Variants in PLA1A observed in about 807,000 individuals in gnomAD.
The protein encoded by PLA1A is phospholipase A1 member A, also known as phosphatidylserine-specific phospholipase A1alpha.
PLA1A carries 47 observed loss-of-function variants against 49.4 expected under a neutral mutation model. The ratio of observed to expected loss-of-function variants is 0.95; its 90% CI spans 0.75 to 1.21. The LOEUF (loss-of-function observed/expected upper bound fraction) is 1.21, where lower values mean the gene tolerates loss of function less well. Ranked by LOEUF, PLA1A falls within the 50% of genes most tolerant of loss-of-function variation. PLA1A has a pLI of 0.00. For synonymous variants in PLA1A, 224 were observed against 207.9 expected (o/e 1.08, Z -0.67); for missense variants, 561 against 563.9 (o/e 0.99, Z 0.05).
chr3:119,613,074 C>A lies in PLA1A; in HGVS notation c.620C>A (p.Ala207Asp). ...GCCAGTGTGGAAGAGCGCTTGGATG[C>A]TGGAGATGCCCTCTTCGTGGAAGCC... ...TRASVEERLDAGDALFVEAIH... is the reference protein window; with the variant it reads ...TRASVEERLDDGDALFVEAIH... The change falls in exon 5 of 11, where the codon GCT becomes GAT. Residue 207 changes from alanine to aspartate, a missense_variant. Transcript: ENST00000273371. The A allele has an allele frequency of 6.2e-7, 1 of 1,609,274 alleles. No individual in the cohort carries two copies. Among genetic ancestry groups the A allele is most frequent in the Non-Finnish European group, 8.5e-7 (1 of 1,177,678 alleles).
At chr3:119,621,191 G>T (rs2082924443) in intron 8 of PLA1A, among the ~76,000 whole-genome samples, 1 of 152,188 alleles carries the variant, frequency 6.6e-6, no homozygotes, top group African/African-American at 2.4e-5. Context: ...AATATACCCA[G>T]CAGGAAAGTG....
chr3:119,628,078 G>A (rs532841352), intron 9 of PLA1A, among the ~76,000 whole-genome samples: 31 of 152,334 alleles, frequency 2.0e-4, no homozygotes, highest in African/African-American at 6.7e-4. Context: ...CTCCTCAGCT[G>A]AAGTCAGTAT....
At chr3:119,605,259 C>A (rs773884661) in intron 1 of PLA1A, among the ~76,000 whole-genome samples, 2 of 152,220 alleles carry the variant, frequency 1.3e-5, no homozygotes, top group Non-Finnish European at 2.9e-5. Context: ...TCCAAACCTG[C>A]CTGCTTGGTC....
At chr3:119,606,320 G>A (rs1298841227) in intron 1 of PLA1A, among the ~76,000 whole-genome samples, 1 of 152,138 alleles carries the variant, frequency 6.6e-6, no homozygotes, top group Non-Finnish European at 1.5e-5. Context: ...TCCTCCCTCT[G>A]TCTGTGTCCA....
chr3:119,622,898 C>T (rs1488611672), intron 8 of PLA1A, among the ~76,000 whole-genome samples: 1 of 151,546 alleles, frequency 6.6e-6, no homozygotes, highest in Non-Finnish European at 1.5e-5. Context: ...ACGATCTTGA[C>T]TCACTGCAAC....
intron 5 of PLA1A, 126 bp from the exon 6 acceptor site, chr3:119,615,886 T>C (rs1393018829): frequency 1.5e-6 from 1 of 649,136 alleles, no homozygotes; most frequent in Non-Finnish European, 2.8e-6. Flanking sequence ...GCTCATCCTG[T>C]GAAGTCTCAC....
chr3:119,612,916 A>AG (rs2082788512), intron 4 of PLA1A, 101 bp from the exon 5 acceptor site: 1 of 688,356 alleles, frequency 1.5e-6, no homozygotes, highest in African/African-American at 1.9e-5. Context: ...CTTTTCTGGG[A>AG]GGGTCTATGA....
intron 1 of PLA1A, among the ~76,000 whole-genome samples, chr3:119,599,916 A>C: frequency 6.6e-6 from 1 of 152,146 alleles, no homozygotes; most frequent in African/African-American, 2.4e-5. Flanking sequence ...TACTTTTAGT[A>C]GTGCTGTCTC....
chr3:119,609,431 G>C, intron 3 of PLA1A, 37 bp from the exon 4 acceptor site: 1 of 1,309,078 alleles, frequency 7.6e-7, no homozygotes, highest in South Asian at 1.2e-5. Context: ...AGCAGACTCT[G>C]TGGCCCACGG....
chr3:119,628,902 C>G (rs1304208762), intron 10 of PLA1A, 37 bp downstream of exon 10: 1 of 1,554,804 alleles, frequency 6.4e-7, no homozygotes, highest in Non-Finnish European at 8.9e-7. Context: ...CAGATGCACT[C>G]ACACATCAAA....
chr3:119,608,045 A>G (rs529239771), intron 2 of PLA1A, among the ~76,000 whole-genome samples: 16 of 152,214 alleles, frequency 1.1e-4, no homozygotes, highest in Non-Finnish European at 1.8e-4. Flanking sequence ...CCAGAAGGAC[A>G]GGGACTATAT....
chr3:119,607,144 T>C, intron 2 of PLA1A, 169 bp downstream of exon 2: 1 of 623,250 alleles, frequency 1.6e-6, no homozygotes, highest in Non-Finnish European at 2.9e-6. Flanking sequence ...CATGCACACA[T>C]GGTGTTCATT....
chr3:119,619,543 C>T lies in PLA1A; in HGVS notation c.923-20C>T, dbSNP rs1172054609. On this transcript the variant is annotated intron_variant, in intron 7 of 10. Transcript: ENST00000273371. ...GATAGCCTTCTCAGGACTCTGCTGTCTTTGCTTCTTTATTTCCAGGACTGG... is the reference window on the plus strand; with the variant it reads ...GATAGCCTTCTCAGGACTCTGCTGTTTTTGCTTCTTTATTTCCAGGACTGG... 6.3e-7 allele frequency: 1 copy of T among 1,584,434 alleles called. No homozygotes were observed.
intron 2 of PLA1A, 144 bp from the exon 3 acceptor site, chr3:119,608,626 C>G (rs1441584813): frequency 3.0e-6 from 2 of 674,618 alleles, no homozygotes; most frequent in South Asian, 1.9e-5. Flanking sequence ...TCCCTATGCT[C>G]CAAGTACTGT....
chr3:119,601,611 C>A (rs147249304), intron 1 of PLA1A, among the ~76,000 whole-genome samples: 63 of 152,320 alleles, frequency 4.1e-4, no homozygotes, highest in African/African-American at 1.3e-3. Context: ...TCTGAATATG[C>A]TTCCCTATTT....
chr3:119,604,296 T>G (rs1463259123), intron 1 of PLA1A, among the ~76,000 whole-genome samples: 2 of 152,138 alleles, frequency 1.3e-5, no homozygotes, highest in Non-Finnish European at 2.9e-5. Context: ...CAAAGAGATA[T>G]CTGCACTCTC....
At chr3:119,613,262 T>G in intron 5 of PLA1A, 144 bp downstream of exon 5, 1 of 582,822 alleles carries the variant, frequency 1.7e-6, no homozygotes, top group Non-Finnish European at 3.1e-6. Context: ...ACCAAAATGC[T>G]ATTGAAAGTC....
intron 7 of PLA1A, among the ~76,000 whole-genome samples, chr3:119,618,678 G>T (rs75229464): frequency 5.9e-4 from 90 of 152,292 alleles, no homozygotes; most frequent in African/African-American, 1.9e-3. Flanking sequence ...AGGCCAGTCT[G>T]GGGAAAGGAT....
Position 119,629,523 on chromosome 3 carries a change from G to A in PLA1A, c.*55G>A. The A allele has an allele frequency of 1.2e-6, 1 of 861,248 alleles. No individual in the cohort carries two copies. Among genetic ancestry groups the A allele is most frequent in the East Asian group, 2.4e-5 (1 of 41,440 alleles). The allele number at this position is 861,248 out of a possible 1,614,324, so 53.4% of individuals were successfully genotyped here. ...ATTTTTTTTTTTTTTTTGAGAGAGA[G>A]GTGTGATGAGGGATGTGTGTGTGCA... On this transcript the variant is annotated 3_prime_UTR_variant, in exon 11 of 11. Transcript: ENST00000273371.
Sources: allele counts gnomAD v4.1 joint callset (sites outside exome capture counted in the v4.1 genomes callset), GRCh38; gene constraint gnomAD v4.1.1; transcripts MANE v1.5; gene names NCBI Gene and HGNC (gene_info 2026-07-23, HGNC 2026-07-21).